The following PLA2G6 variants were observed in gnomAD, a reference collection of about 807,000 sequenced individuals.
PLA2G6 encodes the protein 85/88 kDa calcium-independent phospholipase A2.
In PLA2G6, 62 loss-of-function variants were observed where a neutral mutation model predicts 83.8. That is an observed-to-expected ratio of 0.74 (90% CI 0.60 to 0.91). The LOEUF (loss-of-function observed/expected upper bound fraction) is 0.91, where lower values mean the gene tolerates loss of function less well. Ranked by LOEUF, PLA2G6 falls within the 40% of genes least tolerant of loss-of-function variation. The pLI, the probability that PLA2G6 is intolerant of heterozygous loss-of-function variation, is 0.00. For missense variants in PLA2G6, 944 were observed against 1,102.0 expected (o/e 0.86, Z 2.03); for synonymous variants, 417 against 449.8 (o/e 0.93, Z 0.92).
At chr22:38,155,570 G>A (rs1470877826) in intron 2 of PLA2G6, among the ~76,000 whole-genome samples, 1 of 152,140 alleles carries the variant, frequency 6.6e-6, no homozygotes, top group Non-Finnish European at 1.5e-5. Flanking sequence ...CTCTTTGCTT[G>A]TTTGTCTGTT....
intron 7 of PLA2G6, chr22:38,130,636 G>A (rs983467019): frequency 4.0e-5 from 6 of 151,642 alleles, no homozygotes; most frequent in Non-Finnish European, 8.8e-5. Context: ...TTTTATGGTT[G>A]GCACTGGATG....
intron 2 of PLA2G6, among the ~76,000 whole-genome samples, chr22:38,158,572 T>G (rs906447858): frequency 1.3e-5 from 2 of 152,226 alleles, no homozygotes; most frequent in Non-Finnish European, 2.9e-5. Context: ...TCATTTATAG[T>G]TACATTTTTG....
chr22:38,169,281 T>C lies in PLA2G6; in HGVS notation c.146A>G (p.Asn49Ser), dbSNP rs149307023. The change falls in exon 2 of 17, where the codon AAC becomes AGC. Residue 49 changes from asparagine (N) to serine (S), a missense_variant. Transcript: ENST00000332509. The stretch of plus-strand genomic sequence containing the variant: ...GCAGTCCCAGGTGCGGTTGGGAGTG[T>C]TCTGGAACAGAATCAGCTGCCCTTC... ...REEGQLILFQNTPNRTWDCVL... is the reference protein window; with the variant it reads ...REEGQLILFQSTPNRTWDCVL... 2 of 1,614,164 alleles carry C rather than the reference T, an allele frequency of 1.2e-6. No individual in the cohort carries two copies. The highest frequency in any genetic ancestry group is 2.7e-5 in the African/African-American group (2 of 75,036).
In PLA2G6 at chr22:38,112,324, A is replaced by C; in HGVS notation, c.2277-19T>G. The C allele has an allele frequency of 1.9e-6, 3 of 1,612,010 alleles. No homozygotes were observed. The highest frequency in any genetic ancestry group is 2.5e-6 in the Non-Finnish European group (3 of 1,179,478). On this transcript the variant is annotated intron_variant, in intron 16 of 16. Transcript: ENST00000332509. Reference sequence around the variant, plus strand: ...GTTCAATCTGTTCGGGCCAGGGAGGAGGGGGTCACCCTAGGATGCTCAGGC... The same window carrying C: ...GTTCAATCTGTTCGGGCCAGGGAGGCGGGGGTCACCCTAGGATGCTCAGGC...
intron 9 of PLA2G6, chr22:38,127,195 G>C: frequency 8.4e-7 from 1 of 1,185,268 alleles, no homozygotes; most frequent in Non-Finnish European, 1.1e-6. Flanking sequence ...AAGCAGAACC[G>C]AGGGCTGCGA....
Position 38,123,345 on chromosome 22 carries a change from G to A in PLA2G6, c.1428-87C>T. On this transcript the variant is annotated intron_variant, in intron 10 of 16. Transcript: ENST00000332509. This position sits in a 1 kb window ranked among gnomAD's most constrained non-coding sequence, Gnocchi z 4.1. ...ACCCTCATAGCCCTTGTCCCCTGCA[G>A]CTGTGTCCTGGCAGACAGACCCAGA... 7.1e-7 allele frequency: 1 copy of A among 1,400,400 alleles called. No individual in the cohort carries two copies. Among genetic ancestry groups the A allele is most frequent in the Non-Finnish European group, 9.8e-7 (1 of 1,015,648 alleles). The allele number at this position is 1,400,400 out of a possible 1,614,324, so 86.7% of individuals were successfully genotyped here.
Position 38,143,195 on chromosome 22 carries a change from C to T in PLA2G6, c.519G>A (p.Gln173=), listed in dbSNP as rs1371961407. ...TGACATCCATCTGAGTGTGGCAGTA[C>T]TGCACCAGCTCCACCAGGATCTCCC... is the stretch of plus-strand genomic sequence containing the variant. ...GDGEILVELV[Q]YCHTQMDVTD... is the part of the protein sequence containing the mutation. Residue 173 remains glutamine (Q), a synonymous_variant, in exon 4 of 17, where the codon CAG becomes CAA. Transcript: ENST00000332509. 1.2e-6 allele frequency: 2 copies of T among 1,614,172 alleles called. No individual in the cohort carries two copies. Among genetic ancestry groups the T allele is most frequent in the Non-Finnish European group, 1.7e-6 (2 of 1,179,992 alleles).
chr22:38,120,744 T>C lies in PLA2G6; in HGVS notation c.1742+15A>G, dbSNP rs1240522702. ...GGCACAGCTGCGGCCACGGCCCCAG[T>C]GCGCCAGGGCTTACTTGGGTTTCCT... On this transcript the variant is annotated intron_variant, in intron 12 of 16. Transcript: ENST00000332509. 3.1e-6 allele frequency: 5 copies of C among 1,613,144 alleles called. No homozygotes were observed. Among genetic ancestry groups the C allele is most frequent in the Non-Finnish European group, 4.2e-6 (5 of 1,179,954 alleles).
Position 38,112,538 on chromosome 22 carries a change from C to A in PLA2G6, c.2242G>T (p.Ala748Ser). The change falls in exon 16 of 17, where the codon GCC becomes TCC. Residue 748 changes from alanine to serine, a missense_variant. By Grantham distance (99) the Ala-to-Ser change is moderately conservative. Coordinates refer to ENST00000332509, the MANE Select transcript of PLA2G6 (RefSeq NM_003560.4). ...PDGRAVDRAR[A>S]WCEMVGIQYF... is the part of the protein sequence containing the mutation. Reference sequence around the variant, plus strand: ...TGGATGCCGACCATCTCGCACCAGGCCCGTGCCCGGTCCACAGCCCGCCCG... The same window carrying A: ...TGGATGCCGACCATCTCGCACCAGGACCGTGCCCGGTCCACAGCCCGCCCG... 1.3e-6 allele frequency: 2 copies of A among 1,554,546 alleles called. No homozygotes were observed. Among genetic ancestry groups the A allele is most frequent in the Non-Finnish European group, 1.7e-6 (2 of 1,150,202 alleles).
chr22:38,121,444 C>T (rs759433557), intron 11 of PLA2G6, among the ~76,000 whole-genome samples: 1 of 152,274 alleles, frequency 6.6e-6, no homozygotes, highest in South Asian at 2.1e-4. Context: ...AAAGAAGAGC[C>T]CCTCAAGAGT....
chr22:38,177,607 C>G (rs1019865475), intron 1 of PLA2G6, among the ~76,000 whole-genome samples: 2 of 151,914 alleles, frequency 1.3e-5, no homozygotes, highest in South Asian at 2.1e-4. Flanking sequence ...GGATTACAGG[C>G]GCGCACCACC....
chr22:38,132,646 TGA>T lies in PLA2G6; in HGVS notation c.1077+183_1077+184del. Reference sequence around the variant, plus strand: ...CACAGGAGGTGGTGTTATTTTGGGCTGAGAGGGGGACTTGGAAGGCTTCCTGA... The same window carrying T: ...CACAGGAGGTGGTGTTATTTTGGGCTGAGGGGGACTTGGAAGGCTTCCTGA... On this transcript the variant is annotated intron_variant, in intron 7 of 16. Transcript: ENST00000332509. The surrounding 1 kb of genome is among the most constrained non-coding windows in gnomAD (Gnocchi z 5.0). The T allele has an allele frequency of 1.6e-6, 1 of 613,644 alleles. No individual in the cohort carries two copies. The highest frequency in any genetic ancestry group is 2.9e-6 in the Non-Finnish European group (1 of 347,318). The allele number at this position is 613,644 out of a possible 1,614,324, so 38.0% of individuals were successfully genotyped here.
intron 12 of PLA2G6, among the ~76,000 whole-genome samples, chr22:38,117,438 G>A (rs1168405854): frequency 4.6e-5 from 7 of 151,884 alleles, no homozygotes; most frequent in African/African-American, 9.7e-5. Context: ...CTCATGATCC[G>A]CCCACCTCGG....
chr22:38,157,186 A>G (rs1460390299), intron 2 of PLA2G6, among the ~76,000 whole-genome samples: 1 of 152,162 alleles, frequency 6.6e-6, no homozygotes, highest in Non-Finnish European at 1.5e-5. Context: ...AGTTTTTTGA[A>G]AAGATAAACA....
At chr22:38,136,476 C>T (rs2088560768) in intron 5 of PLA2G6, 2 of 152,124 alleles carry the variant, frequency 1.3e-5, no homozygotes, top group South Asian at 4.1e-4. Context: ...GTAATCCCAG[C>T]TACTACTCGG....
chr22:38,135,050 G>C lies in PLA2G6; in HGVS notation c.832C>G (p.Gln278Glu). The C allele has an allele frequency of 1.2e-6, 2 of 1,604,308 alleles. No individual in the cohort carries two copies. The highest frequency in any genetic ancestry group is 8.5e-7 in the Non-Finnish European group (1 of 1,173,704). The change falls in exon 6 of 17, where the codon CAG becomes GAG. Residue 278 changes from glutamine (Q) to glutamate (E), a missense_variant. Transcript: ENST00000332509. ...AEMIISMDSSQIHSKDPRYGA... is the reference protein window; with the variant it reads ...AEMIISMDSSEIHSKDPRYGA... ...TAACGGGGGTCTTTGCTGTGGATCT[G>C]GCTGCTGTCCATGCTGATGATCATC...
intron 1 of PLA2G6, among the ~76,000 whole-genome samples, chr22:38,178,462 A>G (rs1221782559): frequency 6.6e-6 from 1 of 152,182 alleles, no homozygotes; most frequent in African/African-American, 2.4e-5. Context: ...AGTCCCAGCT[A>G]CTAAGGTGGC....
In PLA2G6 at chr22:38,129,484, G is replaced by A; in HGVS notation, c.1156C>T (p.Pro386Ser). The A allele has an allele frequency of 6.2e-7, 1 of 1,613,520 alleles. No individual in the cohort carries two copies. The highest frequency in any genetic ancestry group is 8.5e-7 in the Non-Finnish European group (1 of 1,179,452). ...CCGATTTTGGAGGCTAGGAATGTAGGAGTCTCCCCAAAGTCATTCGGGGTG... is the reference window on the plus strand; with the variant it reads ...CCGATTTTGGAGGCTAGGAATGTAGAAGTCTCCCCAAAGTCATTCGGGGTG... ...VDTPNDFGET[P>S]TFLASKIGRL... is the part of the protein sequence containing the mutation. Residue 386 changes from proline (P) to serine (S), a missense_variant, in exon 8 of 17, where the codon CCT (proline) becomes TCT (serine). Pro to Ser is a moderately conservative substitution (Grantham distance 74). Transcript: ENST00000332509.
chr22:38,170,195 C>CAAAA (rs132990), intron 1 of PLA2G6, among the ~76,000 whole-genome samples: 2 of 75,484 alleles, frequency 2.6e-5, no homozygotes, highest in African/African-American at 4.4e-5. Context: ...GACTCTGTCT[C>CAAAA]AAAAAAAAAA....
Sources: allele counts gnomAD v4.1 joint callset (sites outside exome capture counted in the v4.1 genomes callset), GRCh38; gene constraint gnomAD v4.1.1; non-coding constraint Gnocchi (gnomAD v3.1); transcripts MANE v1.5; gene names NCBI Gene and HGNC (gene_info 2026-07-23, HGNC 2026-07-21).